The following GOLGA4 variants were observed in gnomAD, a reference collection of about 807,000 sequenced individuals.
GOLGA4 encodes golgin subfamily A member 4.
GOLGA4 carries 169 observed loss-of-function variants against 265.9 expected under a neutral mutation model. The observed-to-expected ratio is 0.64, with a 90% CI of 0.56 to 0.72. GOLGA4 has a LOEUF of 0.72. GOLGA4 is among the 30% of genes least tolerant of loss of function. The pLI, the probability that GOLGA4 is intolerant of heterozygous loss-of-function variation, is 0.00. For synonymous variants in GOLGA4, 923 were observed against 855.8 expected (o/e 1.08, Z -1.37); for missense variants, 2,482 against 2,483.4 (o/e 1.00, Z 0.01).
intron 17 of GOLGA4, 46 bp downstream of exon 17, chr3:37,335,212 T>G: frequency 1.0e-6 from 1 of 999,172 alleles, no homozygotes; most frequent in Non-Finnish European, 1.6e-6. Context: ...GAAAACATTG[T>G]CATTTCTGTG....
chr3:37,349,858 T>A (rs1463785013), intron 21 of GOLGA4, among the ~76,000 whole-genome samples: 1 of 152,218 alleles, frequency 6.6e-6, no homozygotes. Flanking sequence ...TCTGCTTTTG[T>A]ACACAGTGTT....
At chr3:37,262,124 A>C (rs1172342217) in intron 2 of GOLGA4, among the ~76,000 whole-genome samples, 4 of 152,220 alleles carry the variant, frequency 2.6e-5, no homozygotes, top group Non-Finnish European at 4.4e-5. Context: ...GGAAGTAATA[A>C]TTTTCTTAAA....
At chr3:37,356,044 C>T (rs2097090070) in intron 22 of GOLGA4, among the ~76,000 whole-genome samples, 2 of 152,122 alleles carry the variant, frequency 1.3e-5, no homozygotes, top group Admixed American at 6.6e-5. Flanking sequence ...AGAGCATAAG[C>T]CAGTAAGTCC....
intron 2 of GOLGA4, among the ~76,000 whole-genome samples, chr3:37,259,740 G>C (rs1456554782): frequency 6.6e-6 from 1 of 152,164 alleles, no homozygotes; most frequent in Non-Finnish European, 1.5e-5. Context: ...AAACCTCCTT[G>C]AATCTAAATT....
chr3:37,351,181 C>T (rs970585295), intron 21 of GOLGA4, among the ~76,000 whole-genome samples: 4 of 152,158 alleles, frequency 2.6e-5, no homozygotes, highest in African/African-American at 9.7e-5. Context: ...ACAATGTTCA[C>T]AGCATCTTCA....
chr3:37,325,382 G>A lies in GOLGA4; in HGVS notation c.3496G>A (p.Glu1166Lys), dbSNP rs560449109. ...AGTTGAACTGAAGATGCTGGCAGAA[G>A]AAGATAAGCGGAAGGTTTCTGAGTT... The part of the protein sequence containing the change: ...QLVELKMLAE[E>K]DKRKVSELTS... Residue 1166 changes from glutamate (E) to lysine (K), a missense_variant, in exon 14 of 24, where the codon GAA becomes AAA. Transcript: ENST00000361924. 5.6e-6 allele frequency: 9 copies of A among 1,613,034 alleles called. No homozygotes were observed. The Admixed American group carries it at 8.4e-5, about 15-fold the overall frequency.
At chr3:37,319,029 G>T in intron 11 of GOLGA4, 34 bp from the exon 12 acceptor site, 4 of 1,452,370 alleles carry the variant, frequency 2.8e-6, no homozygotes, top group East Asian at 4.6e-5. Flanking sequence ...TTTATTCTGG[G>T]TGTCCTTATA....
intron 19 of GOLGA4, among the ~76,000 whole-genome samples, chr3:37,339,105 G>C (rs1484919275): frequency 6.6e-6 from 1 of 151,902 alleles, no homozygotes; most frequent in Non-Finnish European, 1.5e-5. Flanking sequence ...CTCATGATCT[G>C]CCTGCCTCAG....
At chr3:37,319,338 A>C in intron 12 of GOLGA4, 144 bp downstream of exon 12, 1 of 557,566 alleles carries the variant, frequency 1.8e-6, no homozygotes, top group Non-Finnish European at 3.2e-6. Context: ...GAGAGTAGGC[A>C]AGCTGTCAGA....
At chr3:37,280,625 A>T (rs2096832288) in intron 2 of GOLGA4, among the ~76,000 whole-genome samples, 1 of 152,102 alleles carries the variant, frequency 6.6e-6, no homozygotes, top group South Asian at 2.1e-4. Context: ...TTATAATTTG[A>T]CCTTTCCCAT....
chr3:37,334,022 A>G (rs541134999), intron 16 of GOLGA4, among the ~76,000 whole-genome samples: 1 of 152,338 alleles, frequency 6.6e-6, no homozygotes, highest in East Asian at 1.9e-4. Context: ...TCTCTTGCTC[A>G]GCAAACACTT....
At chr3:37,275,929 G>A in intron 2 of GOLGA4, 1 of 1,613,690 alleles carries the variant, frequency 6.2e-7, no homozygotes, top group African/African-American at 1.3e-5. Context: ...TATTAGATGG[G>A]CCATCAACTG....
intron 20 of GOLGA4, 117 bp downstream of exon 20, chr3:37,340,316 G>T: frequency 2.1e-6 from 1 of 486,556 alleles, no homozygotes; most frequent in South Asian, 4.2e-5. Context: ...AATTTTTAAT[G>T]ATTTTATTTT....
chr3:37,295,114 A>T, intron 6 of GOLGA4, 37 bp downstream of exon 6: 1 of 1,191,542 alleles, frequency 8.4e-7, no homozygotes, highest in Middle Eastern at 2.1e-4. Context: ...AATTTTTTGG[A>T]TAAAGAAAAA....
At chr3:37,252,666 T>G (rs2096737247) in intron 2 of GOLGA4, among the ~76,000 whole-genome samples, 1 of 152,206 alleles carries the variant, frequency 6.6e-6, no homozygotes, top group African/African-American at 2.4e-5. Context: ...ACAGTCTTTT[T>G]CATTTCAGCT....
Position 37,243,288 on chromosome 3 carries a change from T to A in GOLGA4, c.-263T>A, listed in dbSNP as rs1445559011. On this transcript the variant is annotated 5_prime_UTR_variant, in exon 1 of 24. Coordinates refer to ENST00000361924, the MANE Select transcript of GOLGA4 (RefSeq NM_002078.5). ...TGGCGCACAGTTCACCTGCTGCCGT[T>A]GTCGTCGCCGCCGCGGCTCCCGGGG... 1 of 536,456 alleles carries A rather than the reference T, an allele frequency of 1.9e-6. No individual in the cohort carries two copies. Among genetic ancestry groups the A allele is most frequent in the Admixed American group, 3.5e-5 (1 of 28,658 alleles). The allele number at this position is 536,456 out of a possible 1,614,324, so 33.2% of individuals were successfully genotyped here. A position where few individuals can be genotyped will look rare whatever the true frequency, so the allele number is the denominator to read the frequency against.
chr3:37,293,046 A>C (rs917035747), intron 5 of GOLGA4, among the ~76,000 whole-genome samples: 2 of 152,238 alleles, frequency 1.3e-5, no homozygotes, highest in Non-Finnish European at 2.9e-5. Flanking sequence ...AGTTTGAAAC[A>C]ATGTAAGAAG....
rs776267655 is a variant in GOLGA4, at chr3:37,282,263, A to T, written c.468A>T (p.Lys156Asn). 6.2e-7 allele frequency: 1 copy of T among 1,613,348 alleles called. No individual in the cohort carries two copies. Among genetic ancestry groups the T allele is most frequent in the Non-Finnish European group, 8.5e-7 (1 of 1,179,384 alleles). ...MERSLSSYRG[K>N]YSELVTAYQM... is the part of the protein sequence containing the mutation. Reference sequence around the variant, plus strand: ...GAAGCTTAAGTAGCTACAGGGGAAAATATTCTGAGGTAGGAGCATGACCTT... The same window carrying T: ...GAAGCTTAAGTAGCTACAGGGGAAATTATTCTGAGGTAGGAGCATGACCTT... The change falls in exon 3 of 24, where the codon AAA (lysine) becomes AAT (asparagine). Residue 156 changes from lysine to asparagine, a missense_variant. Physicochemically the swap from Lys to Asn is moderately conservative, Grantham distance 94. Around this residue, in one of 3 missense-constraint regions of GOLGA4, gnomAD observed 1,536 missense variants for 1,483.7 expected, o/e 1.04. Transcript: ENST00000361924.
chr3:37,345,545 TTTA>T (rs2097053550), intron 20 of GOLGA4, among the ~76,000 whole-genome samples: 1 of 152,240 alleles, frequency 6.6e-6, no homozygotes, highest in Non-Finnish European at 1.5e-5. Context: ...GGAAAGCCTC[TTTA>T]TTTGAACAAT....
Sources: allele counts gnomAD v4.1 joint callset (sites outside exome capture counted in the v4.1 genomes callset), GRCh38; gene constraint gnomAD v4.1.1; regional missense constraint gnomAD v4.1.1; transcripts MANE v1.5; gene names NCBI Gene and HGNC (gene_info 2026-07-23, HGNC 2026-07-21).